The following INSYN2B variants were observed in gnomAD, a reference collection of about 807,000 sequenced individuals.
The protein encoded by INSYN2B is inhibitory synaptic factor family member 2B.
In INSYN2B, 16 loss-of-function variants were observed where a neutral mutation model predicts 41.2. The observed-to-expected ratio is 0.39, with a 90% CI of 0.26 to 0.59. The LOEUF (loss-of-function observed/expected upper bound fraction) is 0.59, where lower values mean the gene tolerates loss of function less well. Among genes scored for constraint, INSYN2B ranks in the 20% least tolerant of loss-of-function variants. The probability of loss-of-function intolerance (pLI) is 0.57; values close to 1 mark genes in which losing one functional copy is unlikely to be tolerated. For missense variants in INSYN2B, 608 were observed against 646.4 expected (o/e 0.94, Z 0.64); for synonymous variants, 245 against 244.4 (o/e 1.00, Z -0.02).
chr5:169,883,812 G>T lies in INSYN2B; in HGVS notation c.87C>A (p.His29Gln). The part of the protein sequence containing the change: ...ESVEFVKQPH[H>Q]RRSKSQQVRF... ...TCACCTGCTGGGATTTGCTCCTGCG[G>T]TGGTGAGGTTGTTTCACAAACTCCA... The change falls in exon 2 of 4, where the codon CAC (histidine) becomes CAA (glutamine). Residue 29 changes from histidine (H) to glutamine (Q), a missense_variant. Physicochemically the swap from His to Gln is conservative, Grantham distance 24. Transcript: ENST00000377365. 2 of 1,550,782 alleles carry T rather than the reference G, an allele frequency of 1.3e-6. No homozygotes were observed. The highest frequency in any genetic ancestry group is 2.4e-5 in the South Asian group (2 of 83,978).
chr5:169,916,627 A>G (rs1774887832), intron 1 of INSYN2B, among the ~76,000 whole-genome samples: 1 of 152,230 alleles, frequency 6.6e-6, no homozygotes, highest in Non-Finnish European at 1.5e-5. Flanking sequence ...AGTGCTTAGA[A>G]GAGTACCTGG....
chr5:169,884,163 A>T lies in INSYN2B; in HGVS notation c.-265T>A, dbSNP rs1772835931. ...TGCTCCTTGGAAAAACAAATGAGTT[A>T]GGCTAACTATTAAACATCTGATCTA... On this transcript the variant is annotated 5_prime_UTR_variant, in exon 2 of 4. Transcript: ENST00000377365. The T allele has an allele frequency of 3.1e-6, 1 of 319,718 alleles. No homozygotes were observed. The highest frequency in any genetic ancestry group is 4.6e-5 in the Admixed American group (1 of 21,948). The allele number at this position is 319,718 out of a possible 1,614,324, so 19.8% of individuals were successfully genotyped here. A position where few individuals can be genotyped will look rare whatever the true frequency, so the allele number is the denominator to read the frequency against.
chr5:169,882,131 C>T (rs1772690518), intron 2 of INSYN2B, among the ~76,000 whole-genome samples: 1 of 152,146 alleles, frequency 6.6e-6, no homozygotes, highest in African/African-American at 2.4e-5. Flanking sequence ...GTGGCCATCT[C>T]AAGTCCTTTG....
chr5:169,902,713 C>T (rs1773998559), intron 1 of INSYN2B, among the ~76,000 whole-genome samples: 3 of 152,228 alleles, frequency 2.0e-5, no homozygotes, highest in South Asian at 2.1e-4. Context: ...TTCTGAGCAC[C>T]CTTAATCTGC....
chr5:169,964,684 C>A (rs1341436010), intron 1 of INSYN2B, among the ~76,000 whole-genome samples: 1 of 152,264 alleles, frequency 6.6e-6, no homozygotes, highest in Non-Finnish European at 1.5e-5. Flanking sequence ...ACCAGGTGAT[C>A]AGGCTGGAGC....
At chr5:169,867,624 TC>T (rs1771668277) in intron 3 of INSYN2B, among the ~76,000 whole-genome samples, 1 of 74,918 alleles carries the variant, frequency 1.3e-5, no homozygotes, top group Non-Finnish European at 2.6e-5. Context: ...TCATTATCTA[TC>T]ATCTATCTAT....
At chr5:169,964,578 A>G (rs1227984196) in intron 1 of INSYN2B, among the ~76,000 whole-genome samples, 1 of 152,220 alleles carries the variant, frequency 6.6e-6, no homozygotes, top group African/African-American at 2.4e-5. Flanking sequence ...CACTTTTCTC[A>G]GTGCCCAGAG....
chr5:169,879,233 C>A (rs951597624), intron 3 of INSYN2B, among the ~76,000 whole-genome samples: 4 of 152,158 alleles, frequency 2.6e-5, no homozygotes, highest in Non-Finnish European at 4.4e-5. Flanking sequence ...ATGCACTGAG[C>A]GCATCCATCA....
chr5:169,869,765 G>T (rs767828614), intron 3 of INSYN2B, among the ~76,000 whole-genome samples: 1 of 152,224 alleles, frequency 6.6e-6, no homozygotes, highest in Non-Finnish European at 1.5e-5. Flanking sequence ...GAGACTCTCT[G>T]CTTTGGGTTT....
intron 1 of INSYN2B, among the ~76,000 whole-genome samples, chr5:169,965,333 C>G (rs1361688152): frequency 1.3e-5 from 2 of 152,224 alleles, no homozygotes; most frequent in Non-Finnish European, 2.9e-5. Flanking sequence ...GATGCTAATG[C>G]TGCTGGTCCA....
Position 169,883,277 on chromosome 5 carries a change from TATC to T in INSYN2B, c.619_621del (p.Asp207del). On this transcript the variant is annotated inframe_deletion, in exon 2 of 4. Coordinates refer to ENST00000377365, the MANE Select transcript of INSYN2B (RefSeq NM_001129891.3). ...GCTTCCCAGGAAGGACTGTGATAAA[TATC>T]ATCTGGAACCTGAATGGCAGCTGTG... The T allele has an allele frequency of 1.3e-6, 2 of 1,551,592 alleles. No individual in the cohort carries two copies. The highest frequency in any genetic ancestry group is 1.7e-6 in the Non-Finnish European group (2 of 1,146,950).
intron 1 of INSYN2B, chr5:169,934,878 CCACCTTACA>C: frequency 2.7e-6 from 1 of 364,562 alleles, no homozygotes; most frequent in Non-Finnish European, 5.5e-6. Flanking sequence ...ACAACTTTAA[CCACCTTACA>C]CTTGATATTT....
chr5:169,906,320 C>T (rs1020095534), intron 1 of INSYN2B, among the ~76,000 whole-genome samples: 1 of 152,034 alleles, frequency 6.6e-6, no homozygotes, highest in African/African-American at 2.4e-5. Flanking sequence ...CAAAGGCTCC[C>T]AAGCCAGTGT....
intron 3 of INSYN2B, chr5:169,875,181 T>A (rs560426048): frequency 1.8e-5 from 8 of 454,194 alleles, no homozygotes; most frequent in East Asian, 1.4e-4. Flanking sequence ...CCTGATTTTT[T>A]ACCTAAAAAA....
At chr5:169,900,395 A>G (rs959470921) in intron 1 of INSYN2B, among the ~76,000 whole-genome samples, 2 of 152,178 alleles carry the variant, frequency 1.3e-5, no homozygotes, top group African/African-American at 4.8e-5. Flanking sequence ...GTGAAATGGA[A>G]GTTTTTCCTT....
At chr5:169,934,371 C>G (rs778099364) in intron 1 of INSYN2B, among the ~76,000 whole-genome samples, 3 of 152,160 alleles carry the variant, frequency 2.0e-5, no homozygotes, top group Non-Finnish European at 4.4e-5. Context: ...GCCAATACCA[C>G]CCTGTGTTGT....
intron 1 of INSYN2B, among the ~76,000 whole-genome samples, chr5:169,960,270 A>T (rs759490081): frequency 3.3e-5 from 5 of 152,194 alleles, no homozygotes; most frequent in Non-Finnish European, 7.3e-5. Context: ...ACCTCTGTAC[A>T]TGGGTATCTT....
chr5:169,875,522 CAG>C (rs1772273505), intron 3 of INSYN2B: 65 of 317,670 alleles, frequency 2.0e-4, no homozygotes, highest in South Asian at 1.7e-3. Flanking sequence ...TGTTGGAAGA[CAG>C]AACTGTGTTC....
At chr5:169,962,934 G>A (rs1429891303) in intron 1 of INSYN2B, among the ~76,000 whole-genome samples, 1 of 152,164 alleles carries the variant, frequency 6.6e-6, no homozygotes, top group Non-Finnish European at 1.5e-5. Context: ...ATACCCCTAG[G>A]CCAGGTATAG....
Sources: gnomAD v4.1 joint callset for allele counts (sites outside exome capture counted in the v4.1 genomes callset) on GRCh38, gnomAD v4.1.1 for gene constraint, MANE v1.5 for transcripts, NCBI Gene and HGNC (gene_info 2026-07-23, HGNC 2026-07-21) for gene names.